SON: variants seen among roughly 807,000 people sequenced by gnomAD.
SON encodes the protein protein SON.
A neutral mutation model predicts 173.3 loss-of-function variants in SON; 4 were observed. That is an observed-to-expected ratio of 0.02 (90% CI 0.01 to 0.05). The LOEUF is 0.05. SON is among the 10% of genes least tolerant of loss of function. The probability of loss-of-function intolerance (pLI) is 1.00; values close to 1 mark genes in which losing one functional copy is unlikely to be tolerated. For synonymous variants in SON, 1,190 were observed against 1,105.9 expected, an observed-to-expected ratio of 1.08 and a Z score of -1.51; for missense variants, 2,626 against 3,055.3, an observed-to-expected ratio of 0.86 and a Z score of 3.31.
At position 33,554,292 on chromosome 21, in the gene SON, G is replaced by C. The variant is rs746312915; in HGVS notation, c.5061G>C (p.Glu1687Asp). ...CAGAAGAACCATTACCTGTAAAAGAGAGTGACCAGACATTAGCAGCTCTGC... is the reference window on the plus strand; with the variant it reads ...CAGAAGAACCATTACCTGTAAAAGACAGTGACCAGACATTAGCAGCTCTGC... ...KDTEEPLPVK[E>D]SDQTLAALLS... Residue 1687 changes from glutamate to aspartate, a missense_variant, in exon 3 of 12, where the codon GAG becomes GAC. By Grantham distance (45) the Glu-to-Asp change is conservative. Transcript: ENST00000356577. 1 of 1,614,156 alleles carries C rather than the reference G, an allele frequency of 6.2e-7. No individual in the cohort carries two copies. The highest frequency in any genetic ancestry group is 2.2e-5 in the East Asian group (1 of 44,890).
chr21:33,557,374 C>G (rs1011191821), intron 4 of SON, 58 bp downstream of exon 4: 1 of 1,593,128 alleles, frequency 6.3e-7, no homozygotes, highest in Non-Finnish European at 8.6e-7. Flanking sequence ...GATGTTGACT[C>G]TGGAGCGTGC....
chr21:33,549,756 C>G lies in SON; in HGVS notation c.525C>G (p.Gly175=). Residue 175 remains glycine, a synonymous_variant, in exon 3 of 12, where the codon GGC becomes GGG. Transcript: ENST00000356577. ...VALELPTRAF[G]PSETNESPAV... is the part of the protein sequence containing the mutation. ...TGGAGCTTCCTACAAGAGCATTTGG[C>G]CCATCTGAGACCAATGAATCCCCTG... 1 of 1,614,142 alleles carries G rather than the reference C, an allele frequency of 6.2e-7. No homozygotes were observed. Among genetic ancestry groups the G allele is most frequent in the Non-Finnish European group, 8.5e-7 (1 of 1,180,030 alleles).
chr21:33,549,827 C>T lies in SON; in HGVS notation c.596C>T (p.Pro199Leu). ...PPVVSMEVSE[P>L]HILETLKPAT... The stretch of plus-strand genomic sequence containing the variant: ...GTAGTATCAATGGAGGTATCAGAGC[C>T]ACACATCTTAGAAACTCTGAAGCCA... The change falls in exon 3 of 12, where the codon CCA (proline) becomes CTA (leucine). Residue 199 changes from proline (P) to leucine (L), a missense_variant. Pro to Leu is a moderately conservative substitution (Grantham distance 98). This residue lies in a region of SON where 757 missense variants were observed against 730.1 expected (regional missense o/e 1.04). Transcript: ENST00000356577. 6.2e-7 allele frequency: 1 copy of T among 1,614,220 alleles called. No individual in the cohort carries two copies. The highest frequency in any genetic ancestry group is 8.5e-7 in the Non-Finnish European group (1 of 1,180,044).
Position 33,575,555 on chromosome 21 carries a change from G to A in SON, c.7034-41G>A. The A allele has an allele frequency of 4.1e-6, 6 of 1,470,816 alleles. 1 individual carries two copies. The East Asian group carries it at 1.4e-4, about 33-fold the overall frequency. The allele number at this position is 1,470,816 out of a possible 1,614,324, so 91.1% of individuals were successfully genotyped here. On this transcript the variant is annotated intron_variant, in intron 9 of 11. Transcript: ENST00000356577. ...TACAGAGGGATCTTTGTTTTAAAGT[G>A]GTGCTTTGAAATTTATTTAGTGAAC...
At position 33,554,268 on chromosome 21, in the gene SON, A is replaced by T. The variant is rs751383951; in HGVS notation, c.5037A>T (p.Thr1679=). 1 of 1,614,044 alleles carries T rather than the reference A, an allele frequency of 6.2e-7. No individual in the cohort carries two copies. The highest frequency in any genetic ancestry group is 8.5e-7 in the Non-Finnish European group (1 of 1,180,000). ...ATAATAACCTTGTTAGTAAGGATAC[A>T]GAAGAACCATTACCTGTAAAAGAGA... ...PSNNNLVSKD[T]EEPLPVKESD... Residue 1679 remains threonine, a synonymous_variant, in exon 3 of 12, where the codon ACA becomes ACT. Coordinates refer to ENST00000356577, the MANE Select transcript of SON (RefSeq NM_138927.4).
At position 33,554,958 on chromosome 21, in the gene SON, A is replaced by T; in HGVS notation, c.5727A>T (p.Ser1909=). The change falls in exon 3 of 12, where the codon TCA becomes TCT. Residue 1909 remains serine (S), a synonymous_variant. Transcript: ENST00000356577. ...SKSRERKRKR[S]SSRDNRKTVR... is the part of the protein sequence containing the mutation. ...CTAGGGAAAGAAAAAGAAAAAGATCAAGCTCCAGGGATAACCGAAAGACAG... is the reference window on the plus strand; with the variant it reads ...CTAGGGAAAGAAAAAGAAAAAGATCTAGCTCCAGGGATAACCGAAAGACAG... 6.2e-7 allele frequency: 1 copy of T among 1,614,030 alleles called. No individual in the cohort carries two copies. The highest frequency in any genetic ancestry group is 1.1e-5 in the South Asian group (1 of 91,086).
At chr21:33,548,767 A>G (rs1227459710) in intron 2 of SON, among the ~76,000 whole-genome samples, 1 of 152,246 alleles carries the variant, frequency 6.6e-6, no homozygotes, top group Non-Finnish European at 1.5e-5. Flanking sequence ...AATAATCGCA[A>G]AAATTATATT....
Position 33,554,006 on chromosome 21 carries a change from C to T in SON, c.4775C>T (p.Thr1592Ile). ...GTTAGTGAAGCTGATGCAGGAGAAA[C>T]TCTATCTTCTACTGGTCCTTTTGCT... The part of the protein sequence containing the change: ...PGVSEADAGE[T>I]LSSTGPFALE... The change falls in exon 3 of 12, where the codon ACT becomes ATT. Residue 1592 changes from threonine to isoleucine, a missense_variant. By Grantham distance (89) the Thr-to-Ile change is moderately conservative. This residue lies in a region of SON where 1,006 missense variants were observed against 895.6 expected (regional missense o/e 1.12). Transcript: ENST00000356577. 3 of 1,614,102 alleles carry T rather than the reference C, an allele frequency of 1.9e-6. No homozygotes were observed. Among genetic ancestry groups the T allele is most frequent in the Non-Finnish European group, 1.7e-6 (2 of 1,179,982 alleles).
At chr21:33,558,861 T>C (rs939442839) in intron 4 of SON, 1 of 157,036 alleles carries the variant, frequency 6.4e-6, no homozygotes, top group Non-Finnish European at 1.4e-5. Flanking sequence ...CACTTGTTAT[T>C]GTGTTGCTCT....
rs1390403656 is a variant in SON at position 33,548,873 on chromosome 21, G to A, written c.245-603G>A. On this transcript the variant is annotated intron_variant, in intron 2 of 11. Coordinates refer to ENST00000356577, the MANE Select transcript of SON (RefSeq NM_138927.4). ...AAAGTAATTTTGCTATGATTTGAGA[G>A]CTGGAGGGAATAATTATTTTAATAG... Among the ~76,000 whole-genome samples the A allele has an allele frequency of 3.9e-5, 6 of 152,182 alleles. No individual in the cohort carries two copies. The East Asian group carries it at 1.2e-3, about 29-fold the overall frequency.
At chr21:33,558,612 T>C (rs1294103687) in intron 4 of SON, 2 of 152,232 alleles carry the variant, frequency 1.3e-5, no homozygotes, top group Non-Finnish European at 1.5e-5. Context: ...GGACAGTTAG[T>C]ATTTTGCTGT....
intron 8 of SON, 57 bp from the exon 9 acceptor site, chr21:33,573,251 C>CT: frequency 7.2e-7 from 1 of 1,394,902 alleles, no homozygotes; most frequent in South Asian, 1.2e-5. Flanking sequence ...AACAATGAAT[C>CT]TGTCACCAAG....
At chr21:33,565,584 T>C (rs1341545883) in intron 6 of SON, among the ~76,000 whole-genome samples, 1 of 152,218 alleles carries the variant, frequency 6.6e-6, no homozygotes, top group Admixed American at 6.5e-5. Flanking sequence ...GATGACATAC[T>C]AAGTTTCTTA....
At position 33,553,035 on chromosome 21, in the gene SON, A is replaced by G; in HGVS notation, c.3804A>G (p.Val1268=). The change falls in exon 3 of 12, where the codon GTA becomes GTG. Residue 1268 remains valine (V), a synonymous_variant. Transcript: ENST00000356577. Reference sequence around the variant, plus strand: ...CGTTAACACCTGTAGAGTCTGCAGTAGTAGCAGAAGAACATGAAGTTGTTC... The same window carrying G: ...CGTTAACACCTGTAGAGTCTGCAGTGGTAGCAGAAGAACATGAAGTTGTTC... The part of the protein sequence containing the change: ...SITLTPVESA[V]VAEEHEVVPE... The G allele has an allele frequency of 6.2e-7, 1 of 1,614,058 alleles. No individual in the cohort carries two copies. Among genetic ancestry groups the G allele is most frequent in the Non-Finnish European group, 8.5e-7 (1 of 1,179,882 alleles).
intron 6 of SON, 79 bp from the exon 7 acceptor site, chr21:33,567,078 G>T: frequency 1.4e-6 from 1 of 714,598 alleles, no homozygotes; most frequent in Non-Finnish European, 2.4e-6. Context: ...TTGATATGTA[G>T]CAACTAAAGA....
rs562045383 is a variant in SON at position 33,555,301 on chromosome 21, T to G, written c.6070T>G (p.Leu2024Val). The G allele has an allele frequency of 1.3e-5, 21 of 1,610,782 alleles. No individual in the cohort carries two copies. In the East Asian group the frequency reaches 2.2e-4, roughly 17 times the overall value. The change falls in exon 3 of 12, where the codon TTA becomes GTA. Residue 2024 changes from leucine to valine, a missense_variant. Around this residue, in one of 13 missense-constraint regions of SON, gnomAD observed 138 missense variants for 222.9 expected, o/e 0.62. Transcript: ENST00000356577. ...PVRLRRSRTP[L>V]RRRFSRSPIR... ...CAGATTAAGGCGATCAAGAACACCCTTAAGAAGAAGGTTTAGCAGATCTCC... is the reference window on the plus strand; with the variant it reads ...CAGATTAAGGCGATCAAGAACACCCGTAAGAAGAAGGTTTAGCAGATCTCC...
chr21:33,555,224 G>T lies in SON; in HGVS notation c.5993G>T (p.Arg1998Leu), dbSNP rs755639130. ...PSRRSRTPSR[R>L]RRSRSVVRRR... is the part of the protein sequence containing the mutation. ...CGTCGGAGCCGCACCCCAAGCCGCC[G>T]GAGAAGATCAAGGTCTGTGGTAAGA... The change falls in exon 3 of 12, where the codon CGG (arginine) becomes CTG (leucine). Residue 1998 changes from arginine (R) to leucine (L), a missense_variant. By Grantham distance (102) the Arg-to-Leu change is moderately radical. Around this residue, in one of 13 missense-constraint regions of SON, gnomAD observed 138 missense variants for 222.9 expected, o/e 0.62. Transcript: ENST00000356577. 1 of 1,604,662 alleles carries T rather than the reference G, an allele frequency of 6.2e-7. No homozygotes were observed. Among genetic ancestry groups the T allele is most frequent in the Non-Finnish European group, 8.5e-7 (1 of 1,176,776 alleles).
rs1303616376 is a variant in SON, at chr21:33,549,599, A to G, written c.368A>G (p.Lys123Arg). ...KHKNKKKKKK[K>R]EKEKKYKRQP... ...AAAAACAAAAAGAAGAAAAAGAAGA[A>G]AGAAAAGGAAAAAAAATATAAAAGA... The change falls in exon 3 of 12, where the codon AAA becomes AGA. Residue 123 changes from lysine to arginine, a missense_variant. By Grantham distance (26) the Lys-to-Arg change is conservative. Coordinates refer to ENST00000356577, the MANE Select transcript of SON (RefSeq NM_138927.4). 1 of 1,592,118 alleles carries G rather than the reference A, an allele frequency of 6.3e-7. No individual in the cohort carries two copies. The highest frequency in any genetic ancestry group is 1.8e-5 in the Admixed American group (1 of 54,318).
intron 3 of SON, among the ~76,000 whole-genome samples, chr21:33,556,080 A>G (rs2085960560): frequency 6.6e-6 from 1 of 152,220 alleles, no homozygotes; most frequent in Non-Finnish European, 1.5e-5. Context: ...ATAAATATGG[A>G]TAATTTATCC....
Sources: allele counts gnomAD v4.1 joint callset (sites outside exome capture counted in the v4.1 genomes callset), GRCh38; gene constraint gnomAD v4.1.1; regional missense constraint gnomAD v4.1.1; transcripts MANE v1.5; gene names NCBI Gene and HGNC (gene_info 2026-07-23, HGNC 2026-07-21).